The following LIFR variants were observed in gnomAD, a reference collection of about 807,000 sequenced individuals.
The protein encoded by LIFR is leukemia inhibitory factor receptor.
A neutral mutation model predicts 122.2 loss-of-function variants in LIFR; 84 were observed. The ratio of observed to expected loss-of-function variants is 0.69; its 90% CI spans 0.58 to 0.82. LIFR has a LOEUF of 0.82. Ranked by LOEUF, LIFR falls within the 40% of genes least tolerant of loss-of-function variation. The pLI is 0.00. For missense variants in LIFR, 1,294 were observed against 1,311.6 expected (o/e 0.99, Z 0.21); for synonymous variants, 422 against 434.7 (o/e 0.97, Z 0.36).
chr5:38,489,581 A>C (rs1744464196), intron 15 of LIFR, among the ~76,000 whole-genome samples: 1 of 152,222 alleles, frequency 6.6e-6, no homozygotes, highest in South Asian at 2.1e-4. Flanking sequence ...GTCCTGAAGA[A>C]GTTAATAGTT....
At chr5:38,584,474 TGTG>T (rs1446237744) in intron 1 of LIFR, among the ~76,000 whole-genome samples, 5 of 151,996 alleles carry the variant, frequency 3.3e-5, no homozygotes, top group Non-Finnish European at 5.9e-5. Context: ...ATAAAGAAAA[TGTG>T]GTATATATGC....
At chr5:38,605,405 TAA>T (rs1389138825) in intron 2 of LIFR, among the ~76,000 whole-genome samples, 1 of 152,202 alleles carries the variant, frequency 6.6e-6, no homozygotes, top group Admixed American at 6.5e-5. Context: ...TCTCTGTGCC[TAA>T]GTTTTCTCAT....
At chr5:38,555,340 C>T (rs1748460595) in intron 1 of LIFR, among the ~76,000 whole-genome samples, 1 of 152,192 alleles carries the variant, frequency 6.6e-6, no homozygotes, top group Non-Finnish European at 1.5e-5. Context: ...GCTGAAAAAA[C>T]TCCTTGGTTT....
chr5:38,479,066 C>T lies in LIFR; in HGVS notation c.*2529G>A. On this transcript the variant is annotated 3_prime_UTR_variant, in exon 20 of 20. Coordinates refer to ENST00000453190, the MANE Select transcript of LIFR (RefSeq NM_001127671.2). ...GTATCTCAGACAACTGAACATGTGACCAATCTCCTTCCAACTTCCCTCCCC... is the reference window on the plus strand; with the variant it reads ...GTATCTCAGACAACTGAACATGTGATCAATCTCCTTCCAACTTCCCTCCCC... 1 of 232,360 alleles carries T rather than the reference C, an allele frequency of 4.3e-6. No individual in the cohort carries two copies. Among genetic ancestry groups the T allele is most frequent in the Non-Finnish European group, 8.5e-6 (1 of 117,504 alleles). The allele number at this position is 232,360 out of a possible 1,614,324, so 14.4% of individuals were successfully genotyped here. A position where few individuals can be genotyped will look rare whatever the true frequency, so the allele number is the denominator to read the frequency against.
At chr5:38,563,542 CTGTTTAATTCCAAAGT>C in intron 1 of LIFR, among the ~76,000 whole-genome samples, 4 of 152,186 alleles carry the variant, frequency 2.6e-5, no homozygotes, top group African/African-American at 9.7e-5. Flanking sequence ...ATGCACCAGT[CTGTTTAATTCCAAAGT>C]CATCATAATT....
At chr5:38,598,243 TTATTTTTTTTTTTTTTC>T (rs1561235532), upstream of LIFR, among the ~76,000 whole-genome samples, 544 of 34,394 alleles carry the variant, frequency 0.016, 26 homozygotes, top group African/African-American at 0.065. Context: ...ATTTATTTAT[TTATTTTTTTTTTTTTTC>T]TTTTTAGAGG....
chr5:38,481,702 T>G lies in LIFR; in HGVS notation c.3187A>C (p.Ile1063Leu). The change falls in exon 20 of 20, where the codon ATT becomes CTT. Residue 1063 changes from isoleucine to leucine, a missense_variant. Ile to Leu is a conservative substitution (Grantham distance 5, BLOSUM62 2). Coordinates refer to ENST00000453190, the MANE Select transcript of LIFR (RefSeq NM_001127671.2). ...EIVSFGSPCS[I>L]NSRQFLIPPK... ...GGAATCAAAAATTGTCGGGAATTAATGGAGCATGGACTTCCAAATGAGACA... is the reference window on the plus strand; with the variant it reads ...GGAATCAAAAATTGTCGGGAATTAAGGGAGCATGGACTTCCAAATGAGACA... The G allele has an allele frequency of 6.2e-7, 1 of 1,614,206 alleles. No homozygotes were observed. Among genetic ancestry groups the G allele is most frequent in the Non-Finnish European group, 8.5e-7 (1 of 1,180,022 alleles).
At chr5:38,485,507 C>G (rs1434111154) in intron 17 of LIFR, 1 of 388,912 alleles carries the variant, frequency 2.6e-6, no homozygotes, top group African/African-American at 2.1e-5. Flanking sequence ...AATCACATAA[C>G]AGCTGGAGCA....
At chr5:38,595,728 T>A (rs1336762186), upstream of LIFR, among the ~76,000 whole-genome samples, 4 of 12,088 alleles carry the variant, frequency 3.3e-4, no homozygotes, top group East Asian at 0.057. Context: ...ACAATAGGTC[T>A]TTTTTTTTTT....
At chr5:38,551,829 T>C (rs955964029) in intron 1 of LIFR, among the ~76,000 whole-genome samples, 4 of 152,196 alleles carry the variant, frequency 2.6e-5, no homozygotes, top group African/African-American at 9.7e-5. Flanking sequence ...CAAACACATA[T>C]CTTTGCTCAC....
chr5:38,529,803 CTATT>C (rs1259304174), intron 2 of LIFR, among the ~76,000 whole-genome samples: 1 of 151,974 alleles, frequency 6.6e-6, no homozygotes, highest in Non-Finnish European at 1.5e-5. Context: ...AATTATACGG[CTATT>C]TATATGACAG....
chr5:38,519,065 T>C (rs984064512), intron 5 of LIFR, among the ~76,000 whole-genome samples: 1 of 152,222 alleles, frequency 6.6e-6, no homozygotes, highest in Non-Finnish European at 1.5e-5. Flanking sequence ...TTAAGCTAAG[T>C]GTTAATACAA....
intron 1 of LIFR, among the ~76,000 whole-genome samples, chr5:38,582,303 A>G (rs1234543467): frequency 2.0e-5 from 3 of 152,152 alleles, no homozygotes; most frequent in Admixed American, 2.0e-4. Context: ...TTGCTTGGCA[A>G]TTTATTAGAC....
intron 1 of LIFR, among the ~76,000 whole-genome samples, chr5:38,540,722 T>A (rs557591047): frequency 1.3e-3 from 192 of 152,132 alleles, no homozygotes; most frequent in Middle Eastern, 3.4e-3. Flanking sequence ...TTTAGTTTTT[T>A]TTATTATTAT....
chr5:38,586,718 G>A (rs1397166564), intron 1 of LIFR, among the ~76,000 whole-genome samples: 1 of 151,892 alleles, frequency 6.6e-6, no homozygotes, highest in Non-Finnish European at 1.5e-5. Flanking sequence ...AGCCAGACCC[G>A]AGGCCCTTGC....
chr5:38,556,997 C>CT (rs2112679214), upstream of LIFR: 1 of 152,312 alleles, frequency 6.6e-6, no homozygotes, highest in Admixed American at 6.5e-5. Context: ...TCCCCGAATG[C>CT]GGCCGCTGCT....
At chr5:38,506,928 G>C (rs1370465923) in intron 7 of LIFR, among the ~76,000 whole-genome samples, 1 of 152,050 alleles carries the variant, frequency 6.6e-6, no homozygotes, top group Non-Finnish European at 1.5e-5. Context: ...TCCTATTTCA[G>C]AGGCTACCAA....
intron 1 of LIFR, among the ~76,000 whole-genome samples, chr5:38,540,588 C>T (rs1302352885): frequency 1.3e-5 from 2 of 152,208 alleles, no homozygotes; most frequent in African/African-American, 4.8e-5. Flanking sequence ...TCACATGACA[C>T]AGGCTGGCGG....
chr5:38,511,715 C>T lies in LIFR; in HGVS notation c.736+75G>A. 1.9e-5 allele frequency: 27 copies of T among 1,439,740 alleles called. No individual in the cohort carries two copies. The South Asian group carries it at 2.5e-4, about 14-fold the overall frequency. The allele number at this position is 1,439,740 out of a possible 1,614,324, so 89.2% of individuals were successfully genotyped here. ...TGAATGAGGTTATGAGAAGTGAAAGCTCAAACTAAATCTTACTCTTAAGTG... is the reference window on the plus strand; with the variant it reads ...TGAATGAGGTTATGAGAAGTGAAAGTTCAAACTAAATCTTACTCTTAAGTG... On this transcript the variant is annotated intron_variant, in intron 6 of 19. Coordinates refer to ENST00000453190, the MANE Select transcript of LIFR (RefSeq NM_001127671.2).
Sources: gnomAD v4.1 joint callset for allele counts (sites outside exome capture counted in the v4.1 genomes callset) on GRCh38, gnomAD v4.1.1 for gene constraint, MANE v1.5 for transcripts, NCBI Gene and HGNC (gene_info 2026-07-23, HGNC 2026-07-21) for gene names.